Variants in DCAF12 observed in about 807,000 individuals in gnomAD.
The protein encoded by DCAF12 is DDB1 and CUL4 associated factor 12, also known as DDB1- and CUL4-associated factor 12.
DCAF12 carries 28 observed loss-of-function variants against 52.8 expected under a neutral mutation model. The observed-to-expected ratio is 0.53, with a 90% CI of 0.39 to 0.73. DCAF12 has a LOEUF of 0.73. DCAF12 is among the 30% of genes least tolerant of loss of function. The pLI is 0.00. For synonymous variants in DCAF12, 196 were observed against 215.5 expected (o/e 0.91, Z 0.79); for missense variants, 425 against 552.2 (o/e 0.77, Z 2.31).
chr9:34,102,014 CAAAA>C (rs141617386), intron 4 of DCAF12, among the ~76,000 whole-genome samples: 1 of 130,316 alleles, frequency 7.7e-6, no homozygotes. Flanking sequence ...GACCCTGTCG[CAAAA>C]AAAAAAAAAA....
At chr9:34,107,272 G>A (rs1237032046) in intron 3 of DCAF12, 87 bp downstream of exon 3, 8 of 1,322,382 alleles carry the variant, frequency 6.0e-6, no homozygotes, top group Non-Finnish European at 8.7e-6. Flanking sequence ...TCCCCACTCT[G>A]GGCTGATGAG....
intron 7 of DCAF12, 55 bp from the exon 8 acceptor site, chr9:34,089,645 T>A (rs748903747): frequency 2.0e-6 from 3 of 1,509,962 alleles, no homozygotes; most frequent in African/African-American, 1.4e-5. Flanking sequence ...TTGCTGACTG[T>A]CTGCTAGCCT....
intron 1 of DCAF12, 27 bp from the exon 2 acceptor site, chr9:34,125,304 G>A (rs768288853): frequency 3.1e-6 from 5 of 1,611,082 alleles, no homozygotes; most frequent in East Asian, 2.2e-5. Context: ...AGAAATCAGG[G>A]CTTTGGCTAC....
chr9:34,106,900 C>T (rs1326560415), intron 3 of DCAF12, among the ~76,000 whole-genome samples: 5 of 152,152 alleles, frequency 3.3e-5, no homozygotes, highest in Admixed American at 2.0e-4. Context: ...CTCTCAGTCC[C>T]TTTATGCTGC....
chr9:34,093,554 A>G, intron 6 of DCAF12, 106 bp from the exon 7 acceptor site: 1 of 1,256,046 alleles, frequency 8.0e-7, no homozygotes, highest in Non-Finnish European at 1.1e-6. Context: ...TAAAAGCCAC[A>G]TAAAATCAAG....
chr9:34,126,245 CCT>C (rs1167242256), intron 1 of DCAF12, 107 bp downstream of exon 1: 1 of 1,381,850 alleles, frequency 7.2e-7, no homozygotes, highest in Admixed American at 2.0e-5. Context: ...TCCTGTTTTG[CCT>C]CTGACTGCAG....
chr9:34,114,928 T>A (rs1193517817), intron 2 of DCAF12, among the ~76,000 whole-genome samples: 1 of 151,820 alleles, frequency 6.6e-6, no homozygotes, highest in East Asian at 1.9e-4. Flanking sequence ...AATTGTGCCA[T>A]TACCCTCCAG....
rs577868986 is a variant in DCAF12, at chr9:34,110,753, G to A, written c.334-3188C>T. On this transcript the variant is annotated intron_variant, in intron 2 of 8. Coordinates refer to ENST00000361264, the MANE Select transcript of DCAF12 (RefSeq NM_015397.4). ...GAGCCATGATGGTGCCACTGCACTC[G>A]CACCTGGGTGACAGAGCAAGACCCT... Among the ~76,000 whole-genome samples the A allele has an allele frequency of 1.3e-3, 200 of 151,870 alleles. 2 individuals are homozygous for A. The highest frequency in any genetic ancestry group is 4.6e-3 in the African/African-American group (192 of 41,430).
chr9:34,093,615 A>G, intron 6 of DCAF12, 167 bp from the exon 7 acceptor site: 1 of 667,348 alleles, frequency 1.5e-6, no homozygotes, highest in Non-Finnish European at 2.5e-6. Context: ...TACAGGAGAA[A>G]GAGGAGGTGA....
At chr9:34,091,639 C>CAAAAAAAAAAA (rs34922785) in intron 7 of DCAF12, among the ~76,000 whole-genome samples, 1 of 80,486 alleles carries the variant, frequency 1.2e-5, no homozygotes, top group African/African-American at 5.1e-5. Flanking sequence ...ACCCTGTCTT[C>CAAAAAAAAAAA]AAAAAAAAAA....
chr9:34,124,981 T>C (rs751518054), intron 2 of DCAF12, 42 bp downstream of exon 2: 1 of 1,604,990 alleles, frequency 6.2e-7, no homozygotes, highest in Admixed American at 1.7e-5. Context: ...GAGCAATATA[T>C]CCACGACCTA....
intron 2 of DCAF12, among the ~76,000 whole-genome samples, chr9:34,120,669 C>CA (rs71506167): frequency 0.38 from 44,694 of 116,798 alleles, 8,370 homozygotes; most frequent in Non-Finnish European, 0.42. Flanking sequence ...GACGCGGTCT[C>CA]AAAAAAAAAA....
chr9:34,111,186 A>G (rs1273886562), intron 2 of DCAF12, among the ~76,000 whole-genome samples: 1 of 152,072 alleles, frequency 6.6e-6, no homozygotes, highest in African/African-American at 2.4e-5. Flanking sequence ...GGGTTTCACC[A>G]TATTGGCCAG....
At chr9:34,125,581 T>C (rs751626305) in intron 1 of DCAF12, 2 of 503,648 alleles carry the variant, frequency 4.0e-6, no homozygotes, top group Admixed American at 2.3e-5. Context: ...TTGAAGGAAA[T>C]GAGAGGTAGA....
chr9:34,095,416 T>C (rs912797466), intron 6 of DCAF12, among the ~76,000 whole-genome samples: 1 of 124,324 alleles, frequency 8.0e-6, no homozygotes, highest in Non-Finnish European at 1.6e-5. Flanking sequence ...GGTCTCGCTC[T>C]GTCACCCAGG....
intron 1 of DCAF12, among the ~76,000 whole-genome samples, chr9:34,125,928 C>T (rs986715601): frequency 5.3e-5 from 8 of 152,190 alleles, no homozygotes; most frequent in African/African-American, 1.9e-4. Flanking sequence ...AAAGGCCCAG[C>T]TCAGGGTTGG....
At chr9:34,090,392 G>A (rs893347843) in intron 7 of DCAF12, among the ~76,000 whole-genome samples, 2 of 152,014 alleles carry the variant, frequency 1.3e-5, no homozygotes, top group African/African-American at 4.8e-5. Context: ...AGTATTAGGT[G>A]TTTTGAGAGT....
intron 4 of DCAF12, among the ~76,000 whole-genome samples, chr9:34,102,666 A>AAC (rs111953401): frequency 6.6e-6 from 1 of 151,020 alleles, no homozygotes; most frequent in Non-Finnish European, 1.5e-5. Flanking sequence ...ACACACAAAC[A>AAC]AACAACAACA....
chr9:34,107,975 C>A (rs1240065945), intron 2 of DCAF12, among the ~76,000 whole-genome samples: 2 of 152,208 alleles, frequency 1.3e-5, no homozygotes, highest in Non-Finnish European at 2.9e-5. Context: ...ATTCCCAGAA[C>A]ACATCATGGC....
Sources: allele counts gnomAD v4.1 joint callset (sites outside exome capture counted in the v4.1 genomes callset), GRCh38; gene constraint gnomAD v4.1.1; transcripts MANE v1.5; gene names NCBI Gene and HGNC (gene_info 2026-07-23, HGNC 2026-07-21).